Variants in ZNF461 observed in about 807,000 individuals in gnomAD.
The protein encoded by ZNF461 is gonadotropin-inducible ovarian transcription factor-1.
ZNF461 carries 16 observed loss-of-function variants against 18.3 expected under a neutral mutation model. The observed-to-expected ratio is 0.88, with a 90% confidence interval of 0.59 to 1.33. The LOEUF (loss-of-function observed/expected upper bound fraction) is 1.33, where lower values mean the gene tolerates loss of function less well. ZNF461 is among the 40% of genes most tolerant of loss of function. The pLI, the probability that ZNF461 is intolerant of heterozygous loss-of-function variation, is 0.00. For missense variants in ZNF461, 595 were observed against 669.9 expected, an observed-to-expected ratio of 0.89 and a Z score of 1.23; for synonymous variants, 179 against 216.9, an observed-to-expected ratio of 0.83 and a Z score of 1.54.
chr19:36,648,942 C>G (rs34519098), intron 4 of ZNF461, among the ~76,000 whole-genome samples: 14,040 of 152,146 alleles, frequency 0.092, 706 homozygotes, highest in African/African-American at 0.14. Flanking sequence ...TCTTCATGTG[C>G]CTGTTGGCCC....
chr19:36,643,836 T>G lies in ZNF461; in HGVS notation c.259A>C (p.Asn87His). 6.5e-7 allele frequency: 1 copy of G among 1,539,838 alleles called. No individual in the cohort carries two copies. The highest frequency in any genetic ancestry group is 1.4e-5 in the African/African-American group (1 of 72,832). ...PGTWKTWGFH[N>H]NFLDNNEATD... is the part of the protein sequence containing the mutation. Reference sequence around the variant, plus strand: ...GCCTCATTATTGTCCAAGAAATTATTGTGAAATCCCCAAGTTTTCCATGTA... The same window carrying G: ...GCCTCATTATTGTCCAAGAAATTATGGTGAAATCCCCAAGTTTTCCATGTA... The change falls in exon 5 of 6, where the codon AAT (asparagine) becomes CAT (histidine). Residue 87 changes from asparagine to histidine, a missense_variant. Physicochemically the swap from Asn to His is moderately conservative, Grantham distance 68 (BLOSUM62 1). Coordinates refer to ENST00000588268, the MANE Select transcript of ZNF461 (RefSeq NM_153257.5).
chr19:36,645,830 G>C (rs2037516431), intron 4 of ZNF461, among the ~76,000 whole-genome samples: 1 of 152,146 alleles, frequency 6.6e-6, no homozygotes, highest in Non-Finnish European at 1.5e-5. Context: ...TGTTTCCCAA[G>C]CTGGAATGCA....
At chr19:36,649,440 C>CAG (rs2037587543) in intron 4 of ZNF461, among the ~76,000 whole-genome samples, 1 of 152,114 alleles carries the variant, frequency 6.6e-6, no homozygotes, top group African/African-American at 2.4e-5. Context: ...AAGCAATTCT[C>CAG]CTGCCTCAGC....
rs2037340058 is a variant in ZNF461 at position 36,638,503 on chromosome 19, C to A, written c.*150G>T. ...ACTCAGAAACAGCATTAAAATGAGA[C>A]CAAAATTTACACTTTAGTTATCCAC... is the stretch of plus-strand genomic sequence containing the variant. On this transcript the variant is annotated 3_prime_UTR_variant, in exon 6 of 6. Coordinates refer to ENST00000588268, the MANE Select transcript of ZNF461 (RefSeq NM_153257.5). The A allele has an allele frequency of 1.6e-6, 1 of 609,474 alleles. No homozygotes were observed. The highest frequency in any genetic ancestry group is 3.3e-5 in the South Asian group (1 of 30,492). 37.8% of individuals were successfully genotyped at this position (609,474 alleles called of 1,614,324 possible). A position where few individuals can be genotyped will look rare whatever the true frequency, so the allele number is the denominator to read the frequency against.
intron 4 of ZNF461, among the ~76,000 whole-genome samples, chr19:36,649,118 A>G (rs1196285618): frequency 6.6e-6 from 1 of 152,232 alleles, no homozygotes; most frequent in Non-Finnish European, 1.5e-5. Flanking sequence ...TCTCTGAAAC[A>G]TAATAACGAA....
At chr19:36,660,126 ACTGT>A (rs1303151631) in intron 2 of ZNF461, among the ~76,000 whole-genome samples, 1 of 147,480 alleles carries the variant, frequency 6.8e-6, no homozygotes, top group Admixed American at 6.8e-5. Flanking sequence ...GTGTCAGACA[ACTGT>A]CTTTCCTTCT....
chr19:36,643,662 G>C, intron 5 of ZNF461, 132 bp downstream of exon 5: 1 of 779,028 alleles, frequency 1.3e-6, no homozygotes. Context: ...CAGAATGCGT[G>C]ATTATGTATT....
At chr19:36,656,395 T>C in intron 4 of ZNF461, 53 bp downstream of exon 4, 1 of 1,456,890 alleles carries the variant, frequency 6.9e-7, no homozygotes, top group African/African-American at 1.4e-5. Context: ...CAGCCCAACA[T>C]TCTGACCAGC....
chr19:36,650,802 ATATAT>A (rs1296203138), intron 4 of ZNF461, among the ~76,000 whole-genome samples: 2 of 150,920 alleles, frequency 1.3e-5, no homozygotes, highest in Admixed American at 6.6e-5. Context: ...GTTCAATGTA[ATATAT>A]TATATAAATA....
intron 2 of ZNF461, among the ~76,000 whole-genome samples, chr19:36,663,456 C>A (rs958746386): frequency 6.6e-5 from 10 of 151,858 alleles, no homozygotes; most frequent in Non-Finnish European, 1.5e-5. Flanking sequence ...GAGTTAAACC[C>A]CATTTGCATA....
chr19:36,654,307 G>T (rs1038930133), intron 4 of ZNF461, among the ~76,000 whole-genome samples: 8 of 152,044 alleles, frequency 5.3e-5, no homozygotes, highest in Non-Finnish European at 1.2e-4. Flanking sequence ...CATTAACAAA[G>T]TCCCACAAAC....
chr19:36,656,384 C>T, intron 4 of ZNF461, 64 bp downstream of exon 4: 1 of 1,353,068 alleles, frequency 7.4e-7, no homozygotes, highest in South Asian at 1.2e-5. Flanking sequence ...AATAAACTTG[C>T]CAGCCCAACA....
In ZNF461 at chr19:36,643,809, T is replaced by C; in HGVS notation, c.286A>G (p.Thr96Ala). ...HNNFLDNNEA[T>A]DINADLASRD... ...TTATTTATACCTGCATTTATGTCTG[T>C]AGCCTCATTATTGTCCAAGAAATTA... Residue 96 changes from threonine (T) to alanine (A), a missense_variant, in exon 5 of 6, where the codon ACA becomes GCA. Physicochemically the swap from Thr to Ala is moderately conservative, Grantham distance 58. Coordinates refer to ENST00000588268, the MANE Select transcript of ZNF461 (RefSeq NM_153257.5). 1 of 1,541,410 alleles carries C rather than the reference T, an allele frequency of 6.5e-7. No homozygotes were observed. Among genetic ancestry groups the C allele is most frequent in the Non-Finnish European group, 8.8e-7 (1 of 1,141,842 alleles).
In ZNF461 at chr19:36,638,930, A is replaced by G. The variant is rs539138452; in HGVS notation, c.1415T>C (p.Met472Thr). Reference protein sequence around the residue: ...IHTGEKPHECMICGKAFRLHS... With the variant: ...IHTGEKPHECTICGKAFRLHS... ...AAGTCTAAAGGCCTTACCACATATC[A>G]TGCATTCATGAGGTTTCTCACCAGT... The change falls in exon 6 of 6, where the codon ATG (methionine) becomes ACG (threonine). Residue 472 changes from methionine to threonine, a missense_variant. By Grantham distance (81) the Met-to-Thr change is moderately conservative. Coordinates refer to ENST00000588268, the MANE Select transcript of ZNF461 (RefSeq NM_153257.5). 1 of 1,606,210 alleles carries G rather than the reference A, an allele frequency of 6.2e-7. No homozygotes were observed.
At chr19:36,640,865 A>C (rs1321928359) in intron 5 of ZNF461, among the ~76,000 whole-genome samples, 1 of 152,258 alleles carries the variant, frequency 6.6e-6, no homozygotes. Context: ...TGTCACAAGC[A>C]GCTTAACCTA....
At chr19:36,650,066 T>G (rs906965361) in intron 4 of ZNF461, among the ~76,000 whole-genome samples, 1 of 152,054 alleles carries the variant, frequency 6.6e-6, no homozygotes, top group Non-Finnish European at 1.5e-5. Flanking sequence ...TCCCAGCTAC[T>G]CAGGAGGCTG....
chr19:36,658,313 T>A lies in ZNF461; in HGVS notation c.122A>T (p.Asn41Ile), dbSNP rs748485153. Residue 41 changes from asparagine to isoleucine, a missense_variant, in exon 3 of 6, where the codon AAC becomes ATC. By Grantham distance (149) the Asn-to-Ile change is moderately radical (BLOSUM62 -3). Transcript: ENST00000588268. ...YKEVMLENYS[N>I]LVSLGLSVSK... ...GATAACTTTACCAAGTGACACCAAG[T>A]TGCTATAATTCTCCAACATCACCTC... The A allele has an allele frequency of 2.2e-5, 36 of 1,608,782 alleles. No homozygotes were observed. The highest frequency in any genetic ancestry group is 1.6e-4 in the Middle Eastern group (1 of 6,078).
chr19:36,660,768 A>C (rs2037804963), intron 2 of ZNF461, among the ~76,000 whole-genome samples: 1 of 151,976 alleles, frequency 6.6e-6, no homozygotes, highest in Non-Finnish European at 1.5e-5. Flanking sequence ...CAAAAATGTA[A>C]AAGGAAATTC....
intron 4 of ZNF461, 96 bp from the exon 5 acceptor site, chr19:36,643,958 G>T (rs2037475300): frequency 7.5e-6 from 8 of 1,071,380 alleles, no homozygotes; most frequent in African/African-American, 1.7e-5. Context: ...TTTAGACAGA[G>T]TTTCGCTCTT....
Sources: allele counts gnomAD v4.1 joint callset (sites outside exome capture counted in the v4.1 genomes callset), GRCh38; gene constraint gnomAD v4.1.1; transcripts MANE v1.5; gene names NCBI Gene and HGNC (gene_info 2026-07-23, HGNC 2026-07-21).